Variants in DGKB observed in about 807,000 individuals in gnomAD.
The protein encoded by DGKB is diacylglycerol kinase beta, also known as 90 kDa diacylglycerol kinase.
Under a neutral mutation model 114.3 loss-of-function variants are expected in DGKB, and 67 were observed. That is an observed-to-expected ratio of 0.59 (90% CI 0.48 to 0.72). The LOEUF (loss-of-function observed/expected upper bound fraction) is 0.72. Among genes scored for constraint, DGKB ranks in the 30% least tolerant of loss-of-function variants. The pLI is 0.00. For synonymous variants in DGKB, 398 were observed against 323.1 expected (o/e 1.23, Z -2.49); for missense variants, 907 against 975.2 (o/e 0.93, Z 0.93).
intron 23 of DGKB, chr7:14,191,153 T>C (rs1784261152): frequency 5.8e-6 from 1 of 173,438 alleles, no homozygotes; most frequent in South Asian, 1.5e-4. Context: ...TTGCTGCTGG[T>C]GCTGGTGAAT....
chr7:14,931,673 C>T (rs191031629), intron 1 of DGKB, among the ~76,000 whole-genome samples: 17 of 152,138 alleles, frequency 1.1e-4, no homozygotes. Context: ...TGACCTAGTC[C>T]CAACATGGAT....
intron 23 of DGKB, among the ~76,000 whole-genome samples, chr7:14,227,885 A>G (rs1791073638): frequency 6.6e-6 from 1 of 152,086 alleles, no homozygotes; most frequent in South Asian, 2.1e-4. Flanking sequence ...AGAATTCTGA[A>G]TGACTATGTA....
chr7:14,822,289 C>G (rs150209727), intron 2 of DGKB, among the ~76,000 whole-genome samples: 1 of 152,122 alleles, frequency 6.6e-6, no homozygotes, highest in Non-Finnish European at 1.5e-5. Flanking sequence ...AACAGATGAT[C>G]ACAGAGGAAA....
chr7:14,439,518 G>C (rs1829759202), intron 21 of DGKB, among the ~76,000 whole-genome samples: 1 of 151,922 alleles, frequency 6.6e-6, no homozygotes, highest in African/African-American at 2.4e-5. Flanking sequence ...CTTCAGTCTG[G>C]CATTCATCAT....
chr7:14,826,713 C>A (rs116535279), intron 2 of DGKB, among the ~76,000 whole-genome samples: 2 of 151,978 alleles, frequency 1.3e-5, no homozygotes, highest in Admixed American at 1.3e-4. Flanking sequence ...ATTTCCTCAT[C>A]GGAAAAATGG....
chr7:14,701,920 G>A (rs1230013242), intron 6 of DGKB, among the ~76,000 whole-genome samples, 190 bp from the exon 7 acceptor site: 2 of 152,074 alleles, frequency 1.3e-5, no homozygotes, highest in African/African-American at 4.8e-5. Context: ...TAGAAATACT[G>A]GATAGCATAA....
At chr7:14,517,058 C>T (rs2128555315) in intron 20 of DGKB, among the ~76,000 whole-genome samples, 1 of 152,184 alleles carries the variant, frequency 6.6e-6, no homozygotes, top group Middle Eastern at 3.4e-3. Flanking sequence ...TTAAACTATT[C>T]TACAAAGCCA....
At chr7:14,634,242 T>C (rs1018267847) in intron 13 of DGKB, among the ~76,000 whole-genome samples, 2 of 151,422 alleles carry the variant, frequency 1.3e-5, no homozygotes, top group Non-Finnish European at 3.0e-5. Flanking sequence ...TCTTTCAGGT[T>C]AGGAAGCTGA....
chr7:14,660,166 T>C lies in DGKB; in HGVS notation c.1134+12763A>G, dbSNP rs56842649. Reference sequence around the variant, plus strand: ...TTTATTGAGGATATTTGCATCAATGTTCCTCAAGGATATTGGTCTAAAATT... The same window carrying C: ...TTTATTGAGGATATTTGCATCAATGCTCCTCAAGGATATTGGTCTAAAATT... On this transcript the variant is annotated intron_variant, in intron 13 of 25. Coordinates refer to ENST00000402815, the MANE Select transcript of DGKB (RefSeq NM_001350709.2). 1.5e-3 allele frequency among the ~76,000 whole-genome samples: 226 copies of C among 152,140 alleles called. 1 individual carries two copies. Among genetic ancestry groups the C allele is most frequent in the African/African-American group, 5.1e-3 (213 of 41,508 alleles).
intron 18 of DGKB, among the ~76,000 whole-genome samples, chr7:14,582,524 G>C (rs928083252): frequency 3.2e-4 from 49 of 152,128 alleles, no homozygotes; most frequent in African/African-American, 1.1e-3. Context: ...CCAAGTTTTA[G>C]GTTCCCTATC....
chr7:14,253,359 A>G lies in DGKB; in HGVS notation c.2123-75208T>C, dbSNP rs529542412. 6.4e-4 allele frequency among the ~76,000 whole-genome samples: 97 copies of G among 152,268 alleles called. 1 individual carries two copies. The South Asian group carries it at 0.018, about 28-fold the overall frequency. The stretch of plus-strand genomic sequence containing the variant: ...TTAAATTGATTTGTATGTGAGGGCA[A>G]GAGTGCTGCCAACTCCTATTCTGCC... On this transcript the variant is annotated intron_variant, in intron 23 of 25. Transcript: ENST00000402815.
chr7:14,966,974 G>T (rs1398263299), intron 1 of DGKB, among the ~76,000 whole-genome samples: 3 of 152,126 alleles, frequency 2.0e-5, no homozygotes, highest in African/African-American at 7.2e-5. Context: ...ATTGTACATT[G>T]TACAATATAT....
At chr7:14,594,955 A>C (rs1802311780) in intron 17 of DGKB, among the ~76,000 whole-genome samples, 1 of 152,104 alleles carries the variant, frequency 6.6e-6, no homozygotes, top group Non-Finnish European at 1.5e-5. Context: ...AGAGATTCAA[A>C]ACAAGGTAGA....
chr7:14,434,783 G>A (rs988962652), intron 21 of DGKB, among the ~76,000 whole-genome samples: 7 of 152,014 alleles, frequency 4.6e-5, no homozygotes, highest in Middle Eastern at 3.2e-3. Context: ...CGTGTCTAGC[G>A]ACCAAAGAGC....
chr7:14,799,158 A>G (rs1261540303), intron 2 of DGKB, among the ~76,000 whole-genome samples: 4 of 152,190 alleles, frequency 2.6e-5, no homozygotes, highest in African/African-American at 9.7e-5. Flanking sequence ...TTAATGCTTG[A>G]GCAAATTAAA....
intron 2 of DGKB, among the ~76,000 whole-genome samples, chr7:14,769,070 T>TAAGAAAGA (rs5882458): frequency 0.03 from 2,549 of 84,242 alleles, 77 homozygotes; most frequent in East Asian, 0.048. Flanking sequence ...TTTTTAAAGA[T>TAAGAAAGA]AAGAAAGAAA....
chr7:14,153,143 G>C (rs533685366), intron 25 of DGKB, among the ~76,000 whole-genome samples: 101 of 152,218 alleles, frequency 6.6e-4, no homozygotes, highest in African/African-American at 2.2e-3. Flanking sequence ...AGAGAGATGG[G>C]TCTTCCCTGA....
chr7:14,562,134 C>G (rs1407158112), intron 20 of DGKB, among the ~76,000 whole-genome samples: 1 of 152,210 alleles, frequency 6.6e-6, no homozygotes, highest in African/African-American at 2.4e-5. Context: ...AGCCCCAAGC[C>G]TTGGCAGCAA....
At chr7:14,192,524 C>A (rs1784453857) in intron 23 of DGKB, among the ~76,000 whole-genome samples, 1 of 151,956 alleles carries the variant, frequency 6.6e-6, no homozygotes, top group Non-Finnish European at 1.5e-5. Context: ...TTTAAATGGT[C>A]ATAGTACCCA....
Sources: gnomAD v4.1 joint callset for allele counts (sites outside exome capture counted in the v4.1 genomes callset) on GRCh38, gnomAD v4.1.1 for gene constraint, MANE v1.5 for transcripts, NCBI Gene and HGNC (gene_info 2026-07-23, HGNC 2026-07-21) for gene names.